Variants in LDB2 observed in about 807,000 individuals in gnomAD.
The protein encoded by LDB2 is LIM domain-binding protein 2.
In LDB2, 12 loss-of-function variants were observed where a neutral mutation model predicts 44.3. That is an observed-to-expected ratio of 0.27 (90% CI 0.17 to 0.44). The LOEUF (loss-of-function observed/expected upper bound fraction) is 0.44. Ranked by LOEUF, LDB2 falls within the 20% of genes least tolerant of loss-of-function variation. LDB2 has a pLI of 1.00. For synonymous variants in LDB2, 164 were observed against 174.8 expected, an observed-to-expected ratio of 0.94 and a Z score of 0.49; for missense variants, 344 against 473.5, an observed-to-expected ratio of 0.73 and a Z score of 2.54.
At chr4:16,505,522 G>A (rs529524562) in intron 7 of LDB2, among the ~76,000 whole-genome samples, 2 of 152,208 alleles carry the variant, frequency 1.3e-5, no homozygotes, top group East Asian at 1.9e-4. Flanking sequence ...ATCTGCTCTG[G>A]CAGTCTTGAT....
At chr4:16,576,369 C>T (rs184169211) in intron 5 of LDB2, among the ~76,000 whole-genome samples, 37 of 151,288 alleles carry the variant, frequency 2.4e-4, no homozygotes, top group South Asian at 1.7e-3. Context: ...GACAGTAGAA[C>T]CAAATAAATA....
intron 2 of LDB2, among the ~76,000 whole-genome samples, chr4:16,642,751 G>C (rs1735562729): frequency 2.0e-5 from 3 of 152,200 alleles, no homozygotes; most frequent in East Asian, 1.9e-4. Flanking sequence ...TAGATTATGA[G>C]CTCCTGGAAA....
intron 2 of LDB2, among the ~76,000 whole-genome samples, chr4:16,686,010 C>A (rs982163668): frequency 6.6e-6 from 1 of 152,094 alleles, no homozygotes; most frequent in African/African-American, 2.4e-5. Flanking sequence ...TGAGATCGTG[C>A]CACTGCACTC....
intron 2 of LDB2, among the ~76,000 whole-genome samples, chr4:16,736,147 G>T (rs1183557159): frequency 1.3e-5 from 2 of 152,128 alleles, no homozygotes; most frequent in Non-Finnish European, 2.9e-5. Flanking sequence ...TCAGCTCTGG[G>T]CAAGAAGGGT....
At chr4:16,833,530 A>G (rs917960841) in intron 1 of LDB2, among the ~76,000 whole-genome samples, 1 of 141,812 alleles carries the variant, frequency 7.1e-6, no homozygotes, top group Admixed American at 7.3e-5. Flanking sequence ...TTCACTTTCC[A>G]CCAATCTTTT....
At chr4:16,860,541 C>T (rs1468546) in intron 1 of LDB2, among the ~76,000 whole-genome samples, 38,927 of 152,180 alleles carry the variant, frequency 0.26, 5,824 homozygotes, top group East Asian at 0.67. Context: ...CCTAAGGCTA[C>T]CACCCATCAT....
At chr4:16,587,106 A>G (rs10755217) in intron 4 of LDB2, among the ~76,000 whole-genome samples, 48,312 of 152,046 alleles carry the variant, frequency 0.32, 7,828 homozygotes, top group South Asian at 0.36. Context: ...CGTTTGTTCT[A>G]TCAAGTAGCC....
chr4:16,564,070 T>C (rs1242670541), intron 5 of LDB2, among the ~76,000 whole-genome samples: 1 of 152,216 alleles, frequency 6.6e-6, no homozygotes, highest in East Asian at 1.9e-4. Context: ...TCCTTTCTTT[T>C]TGAGCTTCCC....
intron 1 of LDB2, among the ~76,000 whole-genome samples, chr4:16,849,828 C>T (rs1787825806): frequency 6.6e-6 from 1 of 152,190 alleles, no homozygotes; most frequent in South Asian, 2.1e-4. Context: ...TGAAGGCAGA[C>T]ACCAGCTCTT....
chr4:16,707,047 T>G (rs1465289092), intron 2 of LDB2, among the ~76,000 whole-genome samples: 5 of 152,140 alleles, frequency 3.3e-5, no homozygotes, highest in South Asian at 4.1e-4. Flanking sequence ...TTAAACAAAA[T>G]ATTCATCATT....
chr4:16,706,997 T>C (rs1476081673), intron 2 of LDB2, among the ~76,000 whole-genome samples: 1 of 152,168 alleles, frequency 6.6e-6, no homozygotes, highest in African/African-American at 2.4e-5. Context: ...TAATTTCACT[T>C]TGGCAAACAA....
chr4:16,704,281 CT>C (rs928776997), intron 2 of LDB2, among the ~76,000 whole-genome samples: 5 of 152,124 alleles, frequency 3.3e-5, no homozygotes, highest in African/African-American at 4.8e-5. Flanking sequence ...ACTAGATTCC[CT>C]TTTGTTTAAA....
chr4:16,512,252 T>C, intron 5 of LDB2, 148 bp from the exon 6 acceptor site: 1 of 744,942 alleles, frequency 1.3e-6, no homozygotes, highest in East Asian at 2.8e-5. Context: ...TGAGGAAAAA[T>C]AAATATTACA....
chr4:16,730,309 C>T (rs754411032), intron 2 of LDB2, among the ~76,000 whole-genome samples: 5 of 152,082 alleles, frequency 3.3e-5, no homozygotes, highest in African/African-American at 4.8e-5. Flanking sequence ...TTTTGCTTCA[C>T]GGTCATTATC....
intron 1 of LDB2, among the ~76,000 whole-genome samples, chr4:16,897,895 A>AATATATATATAT (rs1174965862): frequency 1.4e-4 from 11 of 78,164 alleles, no homozygotes; most frequent in African/African-American, 2.7e-4. Context: ...TAAAAAAGAA[A>AATATATATATAT]ATATATATAT....
intron 1 of LDB2, among the ~76,000 whole-genome samples, chr4:16,852,245 A>G (rs886675394): frequency 6.6e-6 from 1 of 152,196 alleles, no homozygotes; most frequent in African/African-American, 2.4e-5. Context: ...TACCCAGAAC[A>G]TTAGAGCATT....
intron 5 of LDB2, among the ~76,000 whole-genome samples, chr4:16,517,839 G>T (rs184810017): frequency 1.4e-4 from 22 of 152,182 alleles, no homozygotes; most frequent in African/African-American, 4.6e-4. Flanking sequence ...TGACCCTTTG[G>T]TATGAAATTT....
rs529341206 is a variant in LDB2, at chr4:16,578,566, G to A, written c.615+7356C>T. 3.3e-5 allele frequency among the ~76,000 whole-genome samples: 5 copies of A among 152,292 alleles called. No individual in the cohort carries two copies. In the South Asian group the frequency reaches 8.3e-4, roughly 25 times the overall value. On this transcript the variant is annotated intron_variant, in intron 5 of 7. Transcript: ENST00000304523. ...AAGACAGTCAATAACAAATGCTGGT[G>A]AGGATGTGGAGAAAGGGAACTTTTG...
rs140917358 is a variant in LDB2 at position 16,651,864 on chromosome 4, T to C, written c.236-55989A>G. Reference sequence around the variant, plus strand: ...TAACCAGGTGGGAGGTGGCGTGCCATAGCAAAACAGGTGTCATCAGAACAT... The same window carrying C: ...TAACCAGGTGGGAGGTGGCGTGCCACAGCAAAACAGGTGTCATCAGAACAT... On this transcript the variant is annotated intron_variant, in intron 2 of 7. Transcript: ENST00000304523. Among the ~76,000 whole-genome samples the C allele has an allele frequency of 2.3e-4, 35 of 152,292 alleles. No homozygotes were observed. The East Asian group carries it at 5.8e-3, about 25-fold the overall frequency.
Sources: gnomAD v4.1 joint callset for allele counts (sites outside exome capture counted in the v4.1 genomes callset) on GRCh38, gnomAD v4.1.1 for gene constraint, MANE v1.5 for transcripts, NCBI Gene and HGNC (gene_info 2026-07-23, HGNC 2026-07-21) for gene names.